Variants in ADGRL2 observed in about 807,000 individuals in gnomAD.
ADGRL2 encodes calcium-independent alpha-latrotoxin receptor 2.
ADGRL2 carries 44 observed loss-of-function variants against 157.4 expected under a neutral mutation model. The ratio of observed to expected loss-of-function variants is 0.28; its 90% CI spans 0.22 to 0.36. The LOEUF (loss-of-function observed/expected upper bound fraction) is 0.36, where lower values mean the gene tolerates loss of function less well. Ranked by LOEUF, ADGRL2 falls within the 10% of genes least tolerant of loss-of-function variation. The pLI is 1.00. For missense variants in ADGRL2, 1,510 were observed against 1,768.9 expected (o/e 0.85, Z 2.63); for synonymous variants, 585 against 624.7 (o/e 0.94, Z 0.95).
chr1:81,527,634 C>T (rs1473831626), intron 2 of ADGRL2, among the ~76,000 whole-genome samples: 3 of 152,058 alleles, frequency 2.0e-5, no homozygotes, highest in Non-Finnish European at 4.4e-5. Flanking sequence ...ATCACTTGAA[C>T]CCGGGAGGCG....
intron 3 of ADGRL2, among the ~76,000 whole-genome samples, chr1:81,660,896 G>C (rs2082637009): frequency 6.6e-6 from 1 of 152,158 alleles, no homozygotes; most frequent in Non-Finnish European, 1.5e-5. Context: ...ATCTAATAGG[G>C]AACATAGAAA....
At chr1:81,611,779 CCA>C in intron 3 of ADGRL2, among the ~76,000 whole-genome samples, 1 of 152,214 alleles carries the variant, frequency 6.6e-6, no homozygotes. Flanking sequence ...CTCTATGTCC[CCA>C]CCCAAATCTC....
chr1:81,342,290 A>G (rs769152944), intron 1 of ADGRL2, among the ~76,000 whole-genome samples: 4 of 152,208 alleles, frequency 2.6e-5, no homozygotes, highest in African/African-American at 4.8e-5. Context: ...TATTGAGTCC[A>G]TAGAAATTAC....
chr1:81,495,413 T>A (rs1444919665), intron 2 of ADGRL2, among the ~76,000 whole-genome samples: 1 of 152,192 alleles, frequency 6.6e-6, no homozygotes, highest in Non-Finnish European at 1.5e-5. Context: ...GCAGGTATAT[T>A]TTCAAGTTTG....
At chr1:81,684,439 A>G (rs2083189053) in intron 3 of ADGRL2, among the ~76,000 whole-genome samples, 1 of 151,894 alleles carries the variant, frequency 6.6e-6, no homozygotes, top group African/African-American at 2.4e-5. Context: ...TTCTTTTGAG[A>G]ATTGTCTATT....
At chr1:81,486,616 T>C (rs956409560) in intron 2 of ADGRL2, among the ~76,000 whole-genome samples, 1 of 152,132 alleles carries the variant, frequency 6.6e-6, no homozygotes, top group Admixed American at 6.6e-5. Flanking sequence ...TTATACATCA[T>C]TATTTCTGTT....
chr1:81,917,442 C>T (rs1419810707), intron 3 of ADGRL2, among the ~76,000 whole-genome samples: 1 of 150,472 alleles, frequency 6.6e-6, no homozygotes, highest in Non-Finnish European at 1.5e-5. Flanking sequence ...TTTTTTAGTG[C>T]TGTTTATTAC....
intron 3 of ADGRL2, among the ~76,000 whole-genome samples, chr1:81,620,099 T>C (rs150741334): frequency 5.9e-4 from 90 of 152,344 alleles, no homozygotes; most frequent in African/African-American, 1.9e-3. Flanking sequence ...GGCTGAGATC[T>C]GAAAGACGAG....
At chr1:81,914,963 G>T (rs1032613818) in intron 3 of ADGRL2, among the ~76,000 whole-genome samples, 1 of 152,166 alleles carries the variant, frequency 6.6e-6, no homozygotes. Flanking sequence ...TTCACATTTA[G>T]TGTGCAAGAA....
chr1:81,356,133 T>C (rs1386761218), intron 1 of ADGRL2, among the ~76,000 whole-genome samples: 2 of 152,206 alleles, frequency 1.3e-5, no homozygotes, highest in Non-Finnish European at 2.9e-5. Context: ...AATTCTCAAA[T>C]GTTACTCTCA....
In ADGRL2 at chr1:81,966,585, G is replaced by A; in HGVS notation, c.2325G>A (p.Val775=). ...GCCGAGTATACCTGACTGATCCTGT[G>A]CTTTTTACCCTGCCACACATTGATG... The part of the protein sequence containing the change: ...ESSRVYLTDP[V]LFTLPHIDPD... Residue 775 remains valine (V), a synonymous_variant, in exon 13 of 24, where the codon GTG becomes GTA. Transcript: ENST00000686636. 1 of 1,613,976 alleles carries A rather than the reference G, an allele frequency of 6.2e-7. No homozygotes were observed. The highest frequency in any genetic ancestry group is 8.5e-7 in the Non-Finnish European group (1 of 1,179,914).
At chr1:81,783,704 G>A (rs1224714979) in intron 2 of ADGRL2, among the ~76,000 whole-genome samples, 1 of 152,084 alleles carries the variant, frequency 6.6e-6, no homozygotes, top group East Asian at 1.9e-4. Flanking sequence ...ATTTCAAAAT[G>A]AGCTTACAAA....
At chr1:81,779,736 A>G (rs2086738787) in intron 2 of ADGRL2, among the ~76,000 whole-genome samples, 1 of 152,334 alleles carries the variant, frequency 6.6e-6, no homozygotes, top group East Asian at 1.9e-4. Context: ...TAGGCAGAAC[A>G]CAGCTTAAAT....
intron 2 of ADGRL2, among the ~76,000 whole-genome samples, chr1:81,875,191 G>A (rs1330373196): frequency 6.6e-6 from 1 of 152,120 alleles, no homozygotes; most frequent in Non-Finnish European, 1.5e-5. Context: ...TCGTTTATAA[G>A]TAGCTGTTTG....
intron 3 of ADGRL2, among the ~76,000 whole-genome samples, chr1:81,934,354 A>G (rs748440035): frequency 6.6e-6 from 1 of 152,062 alleles, no homozygotes; most frequent in Non-Finnish European, 1.5e-5. Flanking sequence ...TACTTCCTGC[A>G]GAACATACCA....
At chr1:81,363,263 A>G (rs1053639149) in intron 1 of ADGRL2, among the ~76,000 whole-genome samples, 3 of 152,098 alleles carry the variant, frequency 2.0e-5, no homozygotes, top group Admixed American at 6.6e-5. Context: ...GCTTTCTGTG[A>G]TATTTCAGCA....
intron 3 of ADGRL2, among the ~76,000 whole-genome samples, chr1:81,608,761 T>A (rs781030476): frequency 2.0e-5 from 3 of 152,216 alleles, no homozygotes; most frequent in Non-Finnish European, 4.4e-5. Context: ...TAGCTGACTT[T>A]CCTTCTATGC....
At chr1:81,935,276 C>T (rs995622319) in intron 3 of ADGRL2, among the ~76,000 whole-genome samples, 2 of 151,822 alleles carry the variant, frequency 1.3e-5, no homozygotes, top group Non-Finnish European at 2.9e-5. Context: ...ACATTATTTA[C>T]GTTCTTGAAA....
At chr1:81,748,466 T>TG (rs2085378725) in intron 1 of ADGRL2, among the ~76,000 whole-genome samples, 1 of 32,918 alleles carries the variant, frequency 3.0e-5, no homozygotes, top group African/African-American at 1.2e-4. Context: ...AGATTCCGTC[T>TG]CAAAAAAAAA....
Sources: gnomAD v4.1 joint callset for allele counts (sites outside exome capture counted in the v4.1 genomes callset) on GRCh38, gnomAD v4.1.1 for gene constraint, MANE v1.5 for transcripts, NCBI Gene and HGNC (gene_info 2026-07-23, HGNC 2026-07-21) for gene names.